NME8: variants seen among roughly 807,000 people sequenced by gnomAD.
The protein encoded by NME8 is protein NME8.
Under a neutral mutation model 82.3 loss-of-function variants are expected in NME8, and 72 were observed. The ratio of observed to expected loss-of-function variants is 0.87; its 90% CI spans 0.72 to 1.06. The LOEUF is 1.06. NME8 is among the 50% of genes least tolerant of loss of function. NME8 has a pLI of 0.00. For synonymous variants in NME8, 267 were observed against 228.5 expected (o/e 1.17, Z -1.52); for missense variants, 712 against 685.4 (o/e 1.04, Z -0.43).
At chr7:37,851,133 C>T (rs561244019) in intron 5 of NME8, among the ~76,000 whole-genome samples, 8 of 152,146 alleles carry the variant, frequency 5.3e-5, no homozygotes, top group Non-Finnish European at 8.8e-5. Context: ...ATGATTTTTC[C>T]TCATTTATTT....
intron 6 of NME8, among the ~76,000 whole-genome samples, chr7:37,857,841 A>G (rs1784535378): frequency 6.6e-6 from 1 of 152,190 alleles, no homozygotes; most frequent in Non-Finnish European, 1.5e-5. Flanking sequence ...GACTAATTTA[A>G]GTTTTATTAT....
intron 10 of NME8, among the ~76,000 whole-genome samples, chr7:37,866,398 C>T (rs1031231631): frequency 9.2e-5 from 14 of 152,110 alleles, no homozygotes; most frequent in Admixed American, 6.6e-5. Flanking sequence ...CTGTTGGTCC[C>T]GGCTTCCATG....
chr7:37,850,996 T>C (rs1181946317), intron 5 of NME8, among the ~76,000 whole-genome samples: 1 of 152,192 alleles, frequency 6.6e-6, no homozygotes, highest in Non-Finnish European at 1.5e-5. Flanking sequence ...CATCTATTGT[T>C]CTGTTTCCTT....
intron 12 of NME8, among the ~76,000 whole-genome samples, chr7:37,882,052 C>G (rs1784954596): frequency 1.3e-5 from 2 of 152,174 alleles, no homozygotes; most frequent in African/African-American, 4.8e-5. Flanking sequence ...TATTTAGATA[C>G]TTGCAAAATA....
At position 37,862,024 on chromosome 7, in the gene NME8, A is replaced by G. The variant is rs368506712; in HGVS notation, c.271-4A>G. 125 of 1,602,988 alleles carry G rather than the reference A, an allele frequency of 7.8e-5. No individual in the cohort carries two copies. Among genetic ancestry groups the G allele is most frequent in the Non-Finnish European group, 1.0e-4 (120 of 1,170,036 alleles). ...TTCCCCTCCTGTTTTCATTTCCCTT[A>G]TAGAATGGCAAAATTATCGAAAAGA... On this transcript the variant is annotated splice_region_variant and splice_polypyrimidine_tract_variant and intron_variant, in intron 6 of 17. Coordinates refer to ENST00000199447, the MANE Select transcript of NME8 (RefSeq NM_016616.5).
intron 12 of NME8, among the ~76,000 whole-genome samples, chr7:37,881,247 G>T (rs118031489): frequency 6.6e-6 from 1 of 152,170 alleles, no homozygotes; most frequent in East Asian, 1.9e-4. Context: ...GATCTTAGAG[G>T]CAAAGCATCT....
In NME8 at chr7:37,864,559, G is replaced by T. The variant is rs1016453040; in HGVS notation, c.528+138G>T. 15 of 879,522 alleles carry T rather than the reference G, an allele frequency of 1.7e-5. No homozygotes were observed. In the East Asian group the frequency reaches 3.6e-4, roughly 21 times the overall value. 54.5% of individuals were successfully genotyped at this position (879,522 alleles called of 1,614,324 possible). A position where few individuals can be genotyped will look rare whatever the true frequency, so the allele number is the denominator to read the frequency against. ...GGTGCTAGGTACCTCTAGAGGCTTT[G>T]AGTACTTTATGTCTTTACAAGGCTC... On this transcript the variant is annotated intron_variant, in intron 9 of 17. Transcript: ENST00000199447.
chr7:37,864,615 C>T (rs114981793), intron 9 of NME8, among the ~76,000 whole-genome samples, 194 bp downstream of exon 9: 139 of 152,226 alleles, frequency 9.1e-4, no homozygotes, highest in African/African-American at 3.3e-3. Context: ...TGTAAATGAT[C>T]CTACTCTACC....
chr7:37,873,236 T>C (rs1784795649), intron 11 of NME8, among the ~76,000 whole-genome samples: 1 of 151,954 alleles, frequency 6.6e-6, no homozygotes. Flanking sequence ...GGCCCATGCC[T>C]ATAGTCCCAG....
At position 37,882,597 on chromosome 7, in the gene NME8, AAGAGAGAGAGAGAGAGAG is replaced by A. The variant is rs772102601; in HGVS notation, c.995-1704_995-1687del. 3.3e-4 allele frequency among the ~76,000 whole-genome samples: 27 copies of A among 83,042 alleles called. 1 individual carries two copies. The highest frequency in any genetic ancestry group is 2.9e-3 in the South Asian group (7 of 2,416). 54.5% of individuals were successfully genotyped at this position (83,042 alleles called of 152,430 possible). A position where few individuals can be genotyped will look rare whatever the true frequency, so the allele number is the denominator to read the frequency against. ...AAAGAAAGAAAGAAAGAAAGAAAGA[AAGAGAGAGAGAGAGAGAG>A]AAAGAAAGAAAGAAAGAAAGAAAGA... is the stretch of plus-strand genomic sequence containing the variant. On this transcript the variant is annotated intron_variant, in intron 12 of 17. Coordinates refer to ENST00000199447, the MANE Select transcript of NME8 (RefSeq NM_016616.5).
At chr7:37,849,582 A>T (rs1190733020) in intron 2 of NME8, among the ~76,000 whole-genome samples, 1 of 152,190 alleles carries the variant, frequency 6.6e-6, no homozygotes, top group Non-Finnish European at 1.5e-5. Context: ...GTACATTAAG[A>T]TGTTATTTGC....
Position 37,850,675 on chromosome 7 carries a change from A to T in NME8, c.138A>T (p.Gln46His). 1 of 1,613,728 alleles carries T rather than the reference A, an allele frequency of 6.2e-7. No individual in the cohort carries two copies. Among genetic ancestry groups the T allele is most frequent in the Non-Finnish European group, 8.5e-7 (1 of 1,179,612 alleles). ...GGTGTGGACCTTGCAGAGCAATGCA[A>T]CCTTTATTCAGAAAATTGAAAAATG... ...QAWCGPCRAM[Q>H]PLFRKLKNEL... Residue 46 changes from glutamine to histidine, a missense_variant, in exon 5 of 18, where the codon CAA becomes CAT. Physicochemically the swap from Gln to His is conservative, Grantham distance 24. Transcript: ENST00000199447.
intron 5 of NME8, among the ~76,000 whole-genome samples, chr7:37,853,673 T>A (rs78281083): frequency 0.073 from 11,044 of 152,098 alleles, 529 homozygotes; most frequent in Admixed American, 0.16. Flanking sequence ...AAACCTCCAT[T>A]GTGAGCAGCA....
intron 15 of NME8, among the ~76,000 whole-genome samples, chr7:37,891,558 G>T (rs1785129507): frequency 1.3e-5 from 2 of 151,654 alleles, no homozygotes; most frequent in Admixed American, 6.6e-5. Flanking sequence ...TTCTCTGTGT[G>T]GTCTTTTACA....
intron 15 of NME8, among the ~76,000 whole-genome samples, chr7:37,891,823 TC>T (rs1179199864): frequency 6.6e-6 from 1 of 152,058 alleles, no homozygotes; most frequent in Non-Finnish European, 1.5e-5. Context: ...GCTTGAAAGT[TC>T]ACTCTTCTTG....
chr7:37,894,417 A>G lies in NME8; in HGVS notation c.1400-49A>G, dbSNP rs756222711. On this transcript the variant is annotated intron_variant, in intron 15 of 17. Coordinates refer to ENST00000199447, the MANE Select transcript of NME8 (RefSeq NM_016616.5). Reference sequence around the variant, plus strand: ...GTTATTTCAGTCTACTTGAGTATGGAGGAAAAGTGAAGCAATCTGCAATAT... The same window carrying G: ...GTTATTTCAGTCTACTTGAGTATGGGGGAAAAGTGAAGCAATCTGCAATAT... 5.1e-6 allele frequency: 8 copies of G among 1,571,892 alleles called. No individual in the cohort carries two copies. In the East Asian group the frequency reaches 1.8e-4, roughly 35 times the overall value.
chr7:37,869,182 A>T (rs1184081398), intron 11 of NME8, among the ~76,000 whole-genome samples: 2 of 152,250 alleles, frequency 1.3e-5, no homozygotes, highest in East Asian at 3.9e-4. Flanking sequence ...GCTCCTAGTG[A>T]TGCCATATTT....
At chr7:37,885,391 C>A in intron 14 of NME8, 139 bp downstream of exon 14, 1 of 686,036 alleles carries the variant, frequency 1.5e-6, no homozygotes, top group Non-Finnish European at 2.6e-6. Flanking sequence ...ACGGAGTGGA[C>A]TGCTTATGAC....
At position 37,888,007 on chromosome 7, in the gene NME8, A is replaced by G. The variant is rs191840627; in HGVS notation, c.1248-270A>G. Among the ~76,000 whole-genome samples the G allele has an allele frequency of 1.9e-3, 291 of 152,286 alleles. 2 individuals carry two copies. The highest frequency in any genetic ancestry group is 5.6e-3 in the African/African-American group (234 of 41,566). Reference sequence around the variant, plus strand: ...TGAGAATTGGGTGGGAACAAAGCCAAACCATATCAGCATTCATTCCTCTTT... The same window carrying G: ...TGAGAATTGGGTGGGAACAAAGCCAGACCATATCAGCATTCATTCCTCTTT... On this transcript the variant is annotated intron_variant, in intron 14 of 17. Transcript: ENST00000199447.
Sources: allele counts gnomAD v4.1 joint callset (sites outside exome capture counted in the v4.1 genomes callset), GRCh38; gene constraint gnomAD v4.1.1; transcripts MANE v1.5; gene names NCBI Gene and HGNC (gene_info 2026-07-23, HGNC 2026-07-21).